ADAMTS12: variants seen among roughly 807,000 people sequenced by gnomAD.
ADAMTS12 encodes A disintegrin and metalloproteinase with thrombospondin motifs 12.
Under a neutral mutation model 167.8 loss-of-function variants are expected in ADAMTS12, and 118 were observed. The ratio of observed to expected loss-of-function variants is 0.70; its 90% confidence interval spans 0.61 to 0.82. The LOEUF (loss-of-function observed/expected upper bound fraction) is 0.82. Among genes scored for constraint, ADAMTS12 ranks in the 40% least tolerant of loss-of-function variants. The pLI is 0.00. For missense variants in ADAMTS12, 1,916 were observed against 1,998.8 expected (o/e 0.96, Z 0.79); for synonymous variants, 704 against 716.9 (o/e 0.98, Z 0.29).
At chr5:33,756,008 C>A (rs1745156112) in intron 2 of ADAMTS12, among the ~76,000 whole-genome samples, 1 of 152,196 alleles carries the variant, frequency 6.6e-6, no homozygotes, top group Non-Finnish European at 1.5e-5. Flanking sequence ...ATTCCTCTTA[C>A]AAAGTATCAA....
chr5:33,696,318 G>C (rs1298153274), intron 3 of ADAMTS12, among the ~76,000 whole-genome samples: 2 of 151,584 alleles, frequency 1.3e-5, no homozygotes, highest in Non-Finnish European at 2.9e-5. Context: ...CTACTCGGGA[G>C]GCTGAGGCAG....
chr5:33,836,922 T>A (rs910457987), intron 2 of ADAMTS12, among the ~76,000 whole-genome samples: 1 of 148,706 alleles, frequency 6.7e-6, no homozygotes, highest in African/African-American at 2.5e-5. Flanking sequence ...AAAATTTTTT[T>A]TTTTTCTTTA....
intron 21 of ADAMTS12, among the ~76,000 whole-genome samples, chr5:33,548,453 T>C (rs776101774): frequency 6.6e-6 from 1 of 152,174 alleles, no homozygotes; most frequent in South Asian, 2.1e-4. Flanking sequence ...CCAAGTATCA[T>C]AGGGAAAGTG....
chr5:33,744,846 T>A (rs921923587), intron 3 of ADAMTS12, among the ~76,000 whole-genome samples: 4 of 152,202 alleles, frequency 2.6e-5, no homozygotes, highest in African/African-American at 7.2e-5. Flanking sequence ...AGACAGGGTT[T>A]CACTGTCACC....
At chr5:33,570,896 AG>A (rs1459536982) in intron 19 of ADAMTS12, among the ~76,000 whole-genome samples, 1 of 151,360 alleles carries the variant, frequency 6.6e-6, no homozygotes, top group African/African-American at 2.4e-5. Context: ...AAAAGGATGG[AG>A]GAAGATCTAC....
chr5:33,736,864 C>A (rs1004854887), intron 3 of ADAMTS12, among the ~76,000 whole-genome samples: 1 of 152,188 alleles, frequency 6.6e-6, no homozygotes, highest in Non-Finnish European at 1.5e-5. Context: ...ATAAATCTGG[C>A]CTTCAATGGC....
At chr5:33,827,592 A>T (rs1249099478) in intron 2 of ADAMTS12, among the ~76,000 whole-genome samples, 1 of 152,068 alleles carries the variant, frequency 6.6e-6, no homozygotes, top group East Asian at 1.9e-4. Context: ...AATTTCCTTT[A>T]TCCCCACTTC....
At chr5:33,565,745 T>C (rs1351821266) in intron 19 of ADAMTS12, among the ~76,000 whole-genome samples, 2 of 150,236 alleles carry the variant, frequency 1.3e-5, no homozygotes, top group Non-Finnish European at 2.9e-5. Context: ...AGTCAAATAA[T>C]GATGTTTGAG....
chr5:33,705,268 T>G (rs938091681), intron 3 of ADAMTS12, among the ~76,000 whole-genome samples: 2 of 49,886 alleles, frequency 4.0e-5, no homozygotes, highest in African/African-American at 1.7e-4. Flanking sequence ...TATTCCATGG[T>G]GTGTGTGTGT....
chr5:33,748,628 T>C (rs1238421715), intron 3 of ADAMTS12, among the ~76,000 whole-genome samples: 1 of 152,182 alleles, frequency 6.6e-6, no homozygotes, highest in Non-Finnish European at 1.5e-5. Context: ...TTAAATTACA[T>C]CTTTCTTCAA....
At chr5:33,546,229 G>C (rs747820756) in intron 21 of ADAMTS12, 27 bp from the exon 22 acceptor site, 1 of 1,591,198 alleles carries the variant, frequency 6.3e-7, no homozygotes, top group Non-Finnish European at 8.6e-7. Context: ...ACAAGATTAG[G>C]TAAAAGTCAG....
chr5:33,883,786 CT>C (rs1437235845), intron 1 of ADAMTS12, among the ~76,000 whole-genome samples: 1 of 152,142 alleles, frequency 6.6e-6, no homozygotes, highest in African/African-American at 2.4e-5. Flanking sequence ...ATTCATGATA[CT>C]AGTGTGCCAT....
At chr5:33,659,563 T>C (rs1380913117) in intron 6 of ADAMTS12, among the ~76,000 whole-genome samples, 1 of 152,158 alleles carries the variant, frequency 6.6e-6, no homozygotes, top group Non-Finnish European at 1.5e-5. Context: ...ATACTGATTA[T>C]AGAGTGCCTC....
chr5:33,599,467 G>A (rs1173664864), intron 16 of ADAMTS12, among the ~76,000 whole-genome samples: 1 of 152,114 alleles, frequency 6.6e-6, no homozygotes, highest in Admixed American at 6.5e-5. Context: ...ACCTCAAGAA[G>A]GTCATCCTGT....
At chr5:33,726,237 C>T (rs1743976812) in intron 3 of ADAMTS12, among the ~76,000 whole-genome samples, 1 of 152,138 alleles carries the variant, frequency 6.6e-6, no homozygotes, top group African/African-American at 2.4e-5. Context: ...ACTAATCATG[C>T]CACTTCCTTG....
intron 2 of ADAMTS12, among the ~76,000 whole-genome samples, chr5:33,856,800 T>C (rs1749417930): frequency 6.6e-6 from 1 of 152,170 alleles, no homozygotes; most frequent in African/African-American, 2.4e-5. Context: ...ATCCTGCTGG[T>C]GGGAATGTAG....
At chr5:33,536,044 T>C (rs1744388368) in intron 22 of ADAMTS12, among the ~76,000 whole-genome samples, 1 of 152,224 alleles carries the variant, frequency 6.6e-6, no homozygotes, top group Non-Finnish European at 1.5e-5. Context: ...CATAAGATTC[T>C]TCAGGATGCA....
intron 3 of ADAMTS12, among the ~76,000 whole-genome samples, chr5:33,696,087 A>G (rs1742748866): frequency 6.6e-6 from 1 of 152,120 alleles, no homozygotes; most frequent in South Asian, 2.1e-4. Context: ...AGTACTTGTA[A>G]TTGGAGTTAT....
At chr5:33,553,544 T>A (rs542617068) in intron 20 of ADAMTS12, among the ~76,000 whole-genome samples, 1 of 152,310 alleles carries the variant, frequency 6.6e-6, no homozygotes, top group South Asian at 2.1e-4. Flanking sequence ...TAAAAAAGAA[T>A]GAGATCATGT....
Sources: allele counts gnomAD v4.1 joint callset (sites outside exome capture counted in the v4.1 genomes callset), GRCh38; gene constraint gnomAD v4.1.1; transcripts MANE v1.5; gene names NCBI Gene and HGNC (gene_info 2026-07-23, HGNC 2026-07-21).